Variants in GALNT10 observed in about 807,000 individuals in gnomAD.
GALNT10 encodes GalNAc transferase 10.
Under a neutral mutation model 75.0 loss-of-function variants are expected in GALNT10, and 41 were observed. The observed-to-expected ratio is 0.55, with a 90% confidence interval of 0.43 to 0.71. The LOEUF is 0.71. Ranked by LOEUF, GALNT10 falls within the 30% of genes least tolerant of loss-of-function variation. The pLI, the probability that GALNT10 is intolerant of heterozygous loss-of-function variation, is 0.00. For synonymous variants in GALNT10, 302 were observed against 313.0 expected (o/e 0.96, Z 0.37); for missense variants, 727 against 818.5 (o/e 0.89, Z 1.36).
At chr5:154,218,471 G>A (rs1330969230) in intron 1 of GALNT10, among the ~76,000 whole-genome samples, 1 of 152,136 alleles carries the variant, frequency 6.6e-6, no homozygotes, top group African/African-American at 2.4e-5. Flanking sequence ...TCTCTAGAAT[G>A]GGAATATTCA....
At chr5:154,229,353 C>G (rs1004044150) in intron 1 of GALNT10, among the ~76,000 whole-genome samples, 1 of 152,186 alleles carries the variant, frequency 6.6e-6, no homozygotes, top group Non-Finnish European at 1.5e-5. Flanking sequence ...ATAGTATGCT[C>G]TACCTCTCTT....
rs1454353725 is a variant in GALNT10 at position 154,190,937 on chromosome 5, A to C, written c.71A>C (p.Asn24Thr). The change falls in exon 1 of 12, where the codon AAC (asparagine) becomes ACC (threonine). Residue 24 changes from asparagine (N) to threonine (T), a missense_variant. Transcript: ENST00000297107. ...LVLAALVLLPNVGLWALYRER... is the reference protein window; with the variant it reads ...LVLAALVLLPTVGLWALYRER... ...CTGGCGGCCCTGGTCCTCCTGCCCA[A>C]CGTGGGGCTTTGGGCGCTGTACCGC... 2 of 1,509,040 alleles carry C rather than the reference A, an allele frequency of 1.3e-6. No individual in the cohort carries two copies. Among genetic ancestry groups the C allele is most frequent in the Non-Finnish European group, 1.8e-6 (2 of 1,131,324 alleles). The allele number at this position is 1,509,040 out of a possible 1,614,324, so 93.5% of individuals were successfully genotyped here.
chr5:154,254,647 A>C (rs1753579886), intron 1 of GALNT10, among the ~76,000 whole-genome samples: 1 of 151,952 alleles, frequency 6.6e-6, no homozygotes, highest in South Asian at 2.1e-4. Flanking sequence ...AGGCAAGCAT[A>C]CTTTTATGCC....
At chr5:154,324,281 C>T (rs1271459882) in intron 3 of GALNT10, among the ~76,000 whole-genome samples, 1 of 152,202 alleles carries the variant, frequency 6.6e-6, no homozygotes, top group Non-Finnish European at 1.5e-5. Flanking sequence ...AGCTGTGCTT[C>T]CCACTGGGAA....
chr5:154,274,244 G>C (rs114868278), intron 1 of GALNT10, among the ~76,000 whole-genome samples: 42 of 152,294 alleles, frequency 2.8e-4, no homozygotes, highest in Non-Finnish European at 3.7e-4. Flanking sequence ...ATGTTAGAAG[G>C]TGGATTTTGC....
chr5:154,393,510 A>T (rs1417565856), intron 7 of GALNT10, among the ~76,000 whole-genome samples: 1 of 152,166 alleles, frequency 6.6e-6, no homozygotes, highest in Non-Finnish European at 1.5e-5. Context: ...CATCATAAGT[A>T]CGTATTACTT....
At chr5:154,351,938 G>A (rs756296687) in intron 4 of GALNT10, among the ~76,000 whole-genome samples, 2 of 152,122 alleles carry the variant, frequency 1.3e-5, no homozygotes, top group Non-Finnish European at 2.9e-5. Context: ...CTGTGTGCCA[G>A]GTATTTTACT....
intron 1 of GALNT10, among the ~76,000 whole-genome samples, chr5:154,193,223 G>A (rs927450600): frequency 1.3e-5 from 2 of 152,210 alleles, no homozygotes; most frequent in African/African-American, 4.8e-5. Context: ...CATGGGAGCA[G>A]CAGAATGGAG....
In GALNT10 at chr5:154,404,199, C is replaced by G. The variant is rs375962217; in HGVS notation, c.1152C>G (p.Val384=). Residue 384 remains valine, a synonymous_variant, in exon 8 of 12, where the codon GTC becomes GTG. Coordinates refer to ENST00000297107, the MANE Select transcript of GALNT10 (RefSeq NM_198321.4). The stretch of plus-strand genomic sequence containing the variant: ...TGCCCTACAAGGTCCCGGCCGGAGT[C>G]AGCCTGGCCCGGGTAAGGTGGTGGC... The part of the protein sequence containing the change: ...KYVPYKVPAG[V]SLARNLKRVA... 3 of 1,595,762 alleles carry G rather than the reference C, an allele frequency of 1.9e-6. No individual in the cohort carries two copies. Among genetic ancestry groups the G allele is most frequent in the Non-Finnish European group, 2.6e-6 (3 of 1,169,050 alleles).
At chr5:154,302,616 A>G (rs1754377504) in intron 3 of GALNT10, among the ~76,000 whole-genome samples, 2 of 152,200 alleles carry the variant, frequency 1.3e-5, no homozygotes, top group Admixed American at 1.3e-4. Flanking sequence ...CTATGCAAAG[A>G]TTATCCATGG....
intron 4 of GALNT10, among the ~76,000 whole-genome samples, chr5:154,344,631 C>A (rs1390182070): frequency 6.6e-6 from 1 of 152,086 alleles, no homozygotes; most frequent in Non-Finnish European, 1.5e-5. Context: ...TATCTCTTGG[C>A]GAGCCCTCCA....
intron 3 of GALNT10, among the ~76,000 whole-genome samples, chr5:154,302,570 T>C (rs571484305): frequency 1.3e-5 from 2 of 152,328 alleles, no homozygotes; most frequent in Non-Finnish European, 2.9e-5. Context: ...ATCTGCAGTT[T>C]CCGGTGCAAA....
chr5:154,199,654 A>G (rs761743501), intron 1 of GALNT10, among the ~76,000 whole-genome samples: 5 of 152,124 alleles, frequency 3.3e-5, no homozygotes, highest in African/African-American at 4.8e-5. Context: ...CCTTCCTGCC[A>G]TGGGCAAGGA....
In GALNT10 at chr5:154,326,009, T is replaced by C. The variant is rs562933788; in HGVS notation, c.402-3563T>C. ...ACAAAATTATTAGAACTAATAAATG[T>C]GCTCAGCAAGATTGCAGGATACAAA... On this transcript the variant is annotated intron_variant, in intron 3 of 11. Transcript: ENST00000297107. 7.2e-5 allele frequency among the ~76,000 whole-genome samples: 11 copies of C among 152,218 alleles called. No homozygotes were observed. In the East Asian group the frequency reaches 2.1e-3, roughly 29 times the overall value.
chr5:154,371,095 G>A (rs1485183619), intron 4 of GALNT10, among the ~76,000 whole-genome samples: 2 of 152,104 alleles, frequency 1.3e-5, no homozygotes, highest in Non-Finnish European at 2.9e-5. Flanking sequence ...TGAAGTCCTC[G>A]GGAGGATTCC....
intron 1 of GALNT10, among the ~76,000 whole-genome samples, chr5:154,207,686 AG>A (rs1179604676): frequency 6.6e-6 from 1 of 152,102 alleles, no homozygotes; most frequent in African/African-American, 2.4e-5. Context: ...ATGGCTGGGC[AG>A]GGGGTGGGTA....
intron 3 of GALNT10, among the ~76,000 whole-genome samples, chr5:154,324,720 G>A (rs1754730416): frequency 6.6e-6 from 1 of 152,002 alleles, no homozygotes; most frequent in Admixed American, 6.6e-5. Context: ...GTCTGGGGTG[G>A]CCAGAGAATC....
At chr5:154,305,317 A>G (rs1482416569) in intron 3 of GALNT10, among the ~76,000 whole-genome samples, 1 of 151,960 alleles carries the variant, frequency 6.6e-6, no homozygotes, top group African/African-American at 2.4e-5. Flanking sequence ...AAAAAGAAGA[A>G]GAAGAAATAG....
chr5:154,410,348 A>G (rs1433195458), intron 9 of GALNT10, among the ~76,000 whole-genome samples: 2 of 148,952 alleles, frequency 1.3e-5, no homozygotes, highest in South Asian at 2.1e-4. Context: ...ACATTTTCCT[A>G]TGGGAAACAT....
Sources: gnomAD v4.1 joint callset for allele counts (sites outside exome capture counted in the v4.1 genomes callset) on GRCh38, gnomAD v4.1.1 for gene constraint, MANE v1.5 for transcripts, NCBI Gene and HGNC (gene_info 2026-07-23, HGNC 2026-07-21) for gene names.